Variants in PTPRD observed in about 807,000 individuals in gnomAD.
The protein encoded by PTPRD is receptor-type tyrosine-protein phosphatase delta.
A neutral mutation model predicts 214.5 loss-of-function variants in PTPRD; 34 were observed. The ratio of observed to expected loss-of-function variants is 0.16; its 90% CI spans 0.12 to 0.21. PTPRD has a LOEUF of 0.21. Among genes scored for constraint, PTPRD ranks in the 10% least tolerant of loss-of-function variants. The pLI is 1.00. For missense variants in PTPRD, 2,545 were observed against 2,398.7 expected (o/e 1.06, Z -1.27); for synonymous variants, 1,128 against 845.7 (o/e 1.33, Z -5.79).
At chr9:9,730,442 A>T (rs1365777649) in intron 7 of PTPRD, among the ~76,000 whole-genome samples, 1 of 152,128 alleles carries the variant, frequency 6.6e-6, no homozygotes, top group Non-Finnish European at 1.5e-5. Flanking sequence ...CAGGTATAAA[A>T]GATATGTATA....
At chr9:9,604,429 T>C (rs959124882) in intron 7 of PTPRD, among the ~76,000 whole-genome samples, 2 of 152,072 alleles carry the variant, frequency 1.3e-5, no homozygotes, top group South Asian at 2.1e-4. Flanking sequence ...ATAAGAGAGA[T>C]CAGTGGAATT....
At chr9:10,311,825 C>T (rs635858) in intron 3 of PTPRD, among the ~76,000 whole-genome samples, 32,856 of 151,896 alleles carry the variant, frequency 0.22, 3,722 homozygotes, top group South Asian at 0.37. Flanking sequence ...TAACCACACG[C>T]GGTAATTCTG....
At chr9:9,632,448 G>A (rs1461474456) in intron 7 of PTPRD, among the ~76,000 whole-genome samples, 2 of 152,098 alleles carry the variant, frequency 1.3e-5, no homozygotes, top group East Asian at 3.8e-4. Context: ...TGTTTTTGTA[G>A]GGAAGGAGTA....
intron 9 of PTPRD, among the ~76,000 whole-genome samples, chr9:9,205,028 G>C (rs2099944009): frequency 6.6e-6 from 1 of 152,000 alleles, no homozygotes; most frequent in African/African-American, 2.4e-5. Context: ...AGATCTCTAG[G>C]GGTGGCAATT....
At chr9:10,392,286 T>C (rs1345814662) in intron 2 of PTPRD, among the ~76,000 whole-genome samples, 1 of 151,956 alleles carries the variant, frequency 6.6e-6, no homozygotes, top group Non-Finnish European at 1.5e-5. Context: ...GATTCTATGG[T>C]TAGGTGGCAT....
At chr9:10,262,462 A>G (rs187660032) in intron 3 of PTPRD, among the ~76,000 whole-genome samples, 8 of 152,296 alleles carry the variant, frequency 5.3e-5, no homozygotes, top group Non-Finnish European at 7.4e-5. Context: ...TCACCTAAGA[A>G]ATAGTGAAGC....
intron 35 of PTPRD, among the ~76,000 whole-genome samples, chr9:8,418,191 T>C (rs1002456427): frequency 6.6e-6 from 1 of 152,100 alleles, no homozygotes; most frequent in Admixed American, 6.6e-5. Flanking sequence ...CACTGGAATA[T>C]TTCTTGCTTG....
intron 9 of PTPRD, among the ~76,000 whole-genome samples, chr9:9,244,549 T>C (rs2099972049): frequency 6.6e-6 from 1 of 152,208 alleles, no homozygotes; most frequent in Non-Finnish European, 1.5e-5. Flanking sequence ...GGATTCCCTA[T>C]TTAACAAATG....
intron 9 of PTPRD, among the ~76,000 whole-genome samples, chr9:9,321,217 C>T (rs549471681): frequency 6.6e-6 from 1 of 151,812 alleles, no homozygotes; most frequent in East Asian, 1.9e-4. Flanking sequence ...CTATTTGGGC[C>T]CTAAAGACAT....
intron 3 of PTPRD, among the ~76,000 whole-genome samples, chr9:10,194,317 CATATATATATAT>C (rs5896377): frequency 1.6e-4 from 12 of 75,854 alleles, no homozygotes; most frequent in South Asian, 1.3e-3. Flanking sequence ...TATAGCTATT[CATATATATATAT>C]ATATATATAT....
At chr9:10,156,119 TGTGTGC>T (rs1292001454) in intron 3 of PTPRD, among the ~76,000 whole-genome samples, 130 of 143,282 alleles carry the variant, frequency 9.1e-4, no homozygotes, top group African/African-American at 3.2e-3. Context: ...TGTGTGTGTG[TGTGTGC>T]CTGTCTCCTT....
chr9:8,779,199 C>T (rs966299812), intron 11 of PTPRD, among the ~76,000 whole-genome samples: 2 of 152,034 alleles, frequency 1.3e-5, no homozygotes, highest in Admixed American at 1.3e-4. Context: ...AGAGAGCGAG[C>T]GAATAATATA....
intron 9 of PTPRD, among the ~76,000 whole-genome samples, chr9:9,245,866 T>C (rs927748520): frequency 6.6e-6 from 1 of 152,112 alleles, no homozygotes; most frequent in Non-Finnish European, 1.5e-5. Context: ...TTCTCACATA[T>C]ATAGATATTA....
At chr9:9,122,539 C>T (rs1036209495) in intron 10 of PTPRD, among the ~76,000 whole-genome samples, 2 of 152,052 alleles carry the variant, frequency 1.3e-5, no homozygotes, top group South Asian at 4.1e-4. Flanking sequence ...TTTTGGACTC[C>T]TCTTCATTCC....
chr9:10,224,833 C>T (rs993752299), intron 3 of PTPRD, among the ~76,000 whole-genome samples: 3 of 152,034 alleles, frequency 2.0e-5, no homozygotes, highest in African/African-American at 7.2e-5. Context: ...CTCTACTTAA[C>T]AGCTAGTAAA....
intron 11 of PTPRD, among the ~76,000 whole-genome samples, chr9:8,980,238 G>A (rs949356649): frequency 6.6e-6 from 1 of 151,956 alleles, no homozygotes; most frequent in African/African-American, 2.4e-5. Flanking sequence ...GGGGGTGGGG[G>A]CGAGGAAATT....
chr9:9,870,347 A>G (rs2065105752), intron 5 of PTPRD, among the ~76,000 whole-genome samples: 2 of 152,128 alleles, frequency 1.3e-5, no homozygotes, highest in South Asian at 4.1e-4. Flanking sequence ...CAAAGAAGAA[A>G]TAAAATAATG....
At chr9:10,008,974 A>T (rs1278491787) in intron 4 of PTPRD, among the ~76,000 whole-genome samples, 1 of 149,864 alleles carries the variant, frequency 6.7e-6, no homozygotes, top group Non-Finnish European at 1.5e-5. Context: ...ATTGGATTTT[A>T]TTTTTTCCCT....
chr9:9,986,186 G>T (rs2095704330), intron 4 of PTPRD, among the ~76,000 whole-genome samples: 1 of 152,090 alleles, frequency 6.6e-6, no homozygotes, highest in Non-Finnish European at 1.5e-5. Flanking sequence ...ACAAAGTTCT[G>T]TAGAACGCTC....
Sources: allele counts gnomAD v4.1 joint callset (sites outside exome capture counted in the v4.1 genomes callset), GRCh38; gene constraint gnomAD v4.1.1; transcripts MANE v1.5; gene names NCBI Gene and HGNC (gene_info 2026-07-23, HGNC 2026-07-21).